The following PRKN variants were observed in gnomAD, a reference collection of about 807,000 sequenced individuals.
PRKN encodes the protein E3 ubiquitin-protein ligase parkin.
In PRKN, 56 loss-of-function variants were observed where a neutral mutation model predicts 59.5. The ratio of observed to expected loss-of-function variants is 0.94; its 90% CI spans 0.76 to 1.18. The LOEUF (loss-of-function observed/expected upper bound fraction) is 1.18. PRKN is among the 50% of genes most tolerant of loss of function. PRKN has a pLI of 0.00. For missense variants in PRKN, 657 were observed against 596.4 expected (o/e 1.10, Z -1.06); for synonymous variants, 250 against 222.1 (o/e 1.13, Z -1.12).
At position 161,363,470 on chromosome 6, in the gene PRKN, T is replaced by G. The variant is rs1046342841; in HGVS notation, c.1168-3265A>C. Among the ~76,000 whole-genome samples the G allele has an allele frequency of 2.0e-5, 3 of 152,112 alleles. No homozygotes were observed. In the East Asian group the frequency reaches 5.8e-4, roughly 29 times the overall value. The stretch of plus-strand genomic sequence containing the variant: ...TAGATACAAATGAAGAGAGAATTTG[T>G]GAACTGAAAGATGGAGCTGAAGAAA... On this transcript the variant is annotated intron_variant, in intron 10 of 11. Coordinates refer to ENST00000366898, the MANE Select transcript of PRKN (RefSeq NM_004562.3). This position sits in a 1 kb window ranked among gnomAD's most constrained non-coding sequence, Gnocchi z 4.1.
chr6:161,404,161 T>C (rs933578950), intron 9 of PRKN, among the ~76,000 whole-genome samples: 2 of 152,168 alleles, frequency 1.3e-5, no homozygotes, highest in African/African-American at 2.4e-5. Flanking sequence ...CCCTCCACCC[T>C]GCACTGGGTA....
chr6:162,040,691 T>C (rs1194178097), intron 5 of PRKN, among the ~76,000 whole-genome samples: 1 of 150,302 alleles, frequency 6.7e-6, no homozygotes. Context: ...AGTGCTGGGA[T>C]TACAGGGGTG....
chr6:162,176,929 C>CTTTTTT lies in PRKN; in HGVS notation c.534+24196_534+24201dup, dbSNP rs5881458. Among the ~76,000 whole-genome samples, 3 of 145,670 alleles carry CTTTTTT rather than the reference C, an allele frequency of 2.1e-5. 1 individual carries two copies. On this transcript the variant is annotated intron_variant, in intron 4 of 11. Coordinates refer to ENST00000366898, the MANE Select transcript of PRKN (RefSeq NM_004562.3). ...TCAGACTCTGAACACAATGAAATTC[C>CTTTTTT]TTTTTTTTTTTTTTGGGAAAAGGAG...
At chr6:161,465,509 T>G (rs574888789) in intron 9 of PRKN, among the ~76,000 whole-genome samples, 128 of 152,078 alleles carry the variant, frequency 8.4e-4, no homozygotes, top group African/African-American at 3.0e-3. Flanking sequence ...ACATGGAATT[T>G]TAGTATACTT....
chr6:162,474,546 A>G (rs537137086), intron 1 of PRKN, among the ~76,000 whole-genome samples: 2 of 152,318 alleles, frequency 1.3e-5, no homozygotes, highest in South Asian at 4.1e-4. Flanking sequence ...AGGTATTAAA[A>G]TTATTGCCAA....
chr6:162,214,774 T>C (rs1347197816), intron 3 of PRKN, among the ~76,000 whole-genome samples: 1 of 152,236 alleles, frequency 6.6e-6, no homozygotes, highest in Non-Finnish European at 1.5e-5. Flanking sequence ...GAATTGGTCA[T>C]GGTATCTTAT....
At chr6:162,517,706 C>G (rs1031693869) in intron 1 of PRKN, among the ~76,000 whole-genome samples, 8 of 152,084 alleles carry the variant, frequency 5.3e-5, no homozygotes, top group African/African-American at 1.9e-4. Context: ...ACTACATGTT[C>G]TTATGTGATT....
intron 3 of PRKN, among the ~76,000 whole-genome samples, chr6:162,210,132 T>TAAA (rs1282133436): frequency 6.6e-6 from 1 of 151,940 alleles, no homozygotes; most frequent in Non-Finnish European, 1.5e-5. Context: ...TAAAATAAAA[T>TAAA]AAAGAGGCAG....
At chr6:161,977,311 C>G (rs778521372) in intron 5 of PRKN, among the ~76,000 whole-genome samples, 1 of 152,132 alleles carries the variant, frequency 6.6e-6, no homozygotes, top group Admixed American at 6.6e-5. Context: ...CCCCTCCACA[C>G]GTCTCTCTCA....
intron 2 of PRKN, among the ~76,000 whole-genome samples, chr6:162,442,904 C>T (rs1311469233): frequency 6.6e-6 from 1 of 152,104 alleles, no homozygotes; most frequent in Non-Finnish European, 1.5e-5. Flanking sequence ...AATTGGGTTA[C>T]AAATTCCTCA....
chr6:162,569,716 C>G, intron 1 of PRKN: 1 of 573,664 alleles, frequency 1.7e-6, no homozygotes. Flanking sequence ...CCTCTGATGT[C>G]CTTCCTAAGT....
At position 161,575,340 on chromosome 6, in the gene PRKN, C is replaced by A. The variant is rs772778323; in HGVS notation, c.872-5924G>T. Among the ~76,000 whole-genome samples the A allele has an allele frequency of 6.6e-6, 1 of 152,096 alleles. No individual in the cohort carries two copies. The highest frequency in any genetic ancestry group is 2.4e-5 in the African/African-American group (1 of 41,406). On this transcript the variant is annotated intron_variant, in intron 7 of 11. Coordinates refer to ENST00000366898, the MANE Select transcript of PRKN (RefSeq NM_004562.3). This position sits in a 1 kb window ranked among gnomAD's most constrained non-coding sequence, Gnocchi z 4.6. ...ACGGGGAAGCTCCTCAATGAAAACG[C>A]GTCACAAAGTTGTGTAGCATTTCCA...
At chr6:161,368,844 G>A (rs953773861) in intron 10 of PRKN, among the ~76,000 whole-genome samples, 2 of 152,106 alleles carry the variant, frequency 1.3e-5, no homozygotes, top group African/African-American at 4.8e-5. Flanking sequence ...CCCTTTCTTT[G>A]TCATTGTCTC....
At chr6:161,975,031 T>G (rs1222554676) in intron 5 of PRKN, among the ~76,000 whole-genome samples, 1 of 152,160 alleles carries the variant, frequency 6.6e-6, no homozygotes, top group Non-Finnish European at 1.5e-5. Context: ...GAATGCTTTA[T>G]TCATATTTGT....
intron 3 of PRKN, among the ~76,000 whole-genome samples, chr6:162,230,223 C>T (rs1315657752): frequency 2.0e-5 from 3 of 152,140 alleles, no homozygotes; most frequent in Non-Finnish European, 2.9e-5. Flanking sequence ...TATTATTGGC[C>T]TATATGGAGC....
Position 161,467,627 on chromosome 6 carries a change from T to A in PRKN, c.1084-80750A>T, listed in dbSNP as rs1282622838. Among the ~76,000 whole-genome samples, 1 of 152,180 alleles carries A rather than the reference T, an allele frequency of 6.6e-6. No individual in the cohort carries two copies. The highest frequency in any genetic ancestry group is 6.5e-5 in the Admixed American group (1 of 15,286). The stretch of plus-strand genomic sequence containing the variant: ...GGATACAGGGAAGGCTTCCTGGAGA[T>A]GATGACGCTTGAGAGGAGTCTCAAA... On this transcript the variant is annotated intron_variant, in intron 9 of 11. Coordinates refer to ENST00000366898, the MANE Select transcript of PRKN (RefSeq NM_004562.3). This position sits in a 1 kb window ranked among gnomAD's most constrained non-coding sequence, Gnocchi z 4.3.
intron 1 of PRKN, among the ~76,000 whole-genome samples, chr6:162,627,389 T>C (rs1485697931): frequency 6.6e-6 from 1 of 152,216 alleles, no homozygotes; most frequent in Non-Finnish European, 1.5e-5. Flanking sequence ...TAGGAAATGA[T>C]TTTGTATAGA....
chr6:162,595,540 G>C (rs963682685), intron 1 of PRKN, among the ~76,000 whole-genome samples: 2 of 152,132 alleles, frequency 1.3e-5, no homozygotes, highest in Non-Finnish European at 2.9e-5. Flanking sequence ...ACAGGCGTGA[G>C]CCACTGCGCC....
At chr6:161,966,443 C>T (rs562901843) in intron 6 of PRKN, among the ~76,000 whole-genome samples, 1 of 152,328 alleles carries the variant, frequency 6.6e-6, no homozygotes, top group South Asian at 2.1e-4. Context: ...CCAAGACACA[C>T]ATGCTGGCTA....
Sources: gnomAD v4.1 joint callset for allele counts (sites outside exome capture counted in the v4.1 genomes callset) on GRCh38, gnomAD v4.1.1 for gene constraint, Gnocchi (gnomAD v3.1) non-coding constraint, MANE v1.5 for transcripts, NCBI Gene and HGNC (gene_info 2026-07-23, HGNC 2026-07-21) for gene names.